CS: variants seen among roughly 807,000 people sequenced by gnomAD.
The protein encoded by CS is citrate synthase, mitochondrial.
A neutral mutation model predicts 61.4 loss-of-function variants in CS; 13 were observed. That is an observed-to-expected ratio of 0.21 (90% confidence interval 0.14 to 0.34). CS has a LOEUF of 0.34. CS is among the 10% of genes least tolerant of loss of function. The pLI is 1.00. For synonymous variants in CS, 159 were observed against 215.2 expected, an observed-to-expected ratio of 0.74 and a Z score of 2.29; for missense variants, 278 against 573.4, an observed-to-expected ratio of 0.48 and a Z score of 5.26.
chr12:56,293,424 A>G (rs1294994054), intron 1 of CS, among the ~76,000 whole-genome samples: 1 of 152,234 alleles, frequency 6.6e-6, no homozygotes, highest in Non-Finnish European at 1.5e-5. Flanking sequence ...AATTTAAAAA[A>G]TTAGAAAACA....
intron 1 of CS, among the ~76,000 whole-genome samples, chr12:56,287,981 G>A (rs1234621930): frequency 6.6e-6 from 1 of 152,070 alleles, no homozygotes; most frequent in Non-Finnish European, 1.5e-5. Flanking sequence ...GAAATAAGAT[G>A]ACCAATCAGG....
intron 6 of CS, among the ~76,000 whole-genome samples, chr12:56,281,393 A>G (rs1240098537): frequency 2.0e-5 from 3 of 152,156 alleles, no homozygotes; most frequent in African/African-American, 7.2e-5. Flanking sequence ...TCAGAGAATA[A>G]AGCTCATTTG....
intron 10 of CS, 102 bp downstream of exon 10, chr12:56,273,485 G>T (rs1872560413): frequency 8.2e-7 from 1 of 1,225,878 alleles, no homozygotes; most frequent in East Asian, 2.5e-5. Context: ...TGCTCTGTGA[G>T]GGAAGTCCCT....
chr12:56,284,978 A>C (rs1168777078), intron 3 of CS, among the ~76,000 whole-genome samples: 2 of 141,170 alleles, frequency 1.4e-5, no homozygotes, highest in Non-Finnish European at 3.1e-5. Flanking sequence ...ATGGAGTCTC[A>C]CTCTTGCCCA....
intron 1 of CS, among the ~76,000 whole-genome samples, chr12:56,295,951 C>CAAAAAAAAAAAAAAAAAAAAAAAAAAA (rs71081343): frequency 2.5e-5 from 1 of 40,482 alleles, no homozygotes; most frequent in Non-Finnish European, 3.8e-5. Context: ...GAAACTGTCT[C>CAAAAAAAAAAAAAAAAAAAAAAAAAAA]AAAAAAAAAA....
intron 1 of CS, 108 bp from the exon 2 acceptor site, chr12:56,286,753 A>AG: frequency 1.0e-6 from 1 of 987,448 alleles, no homozygotes; most frequent in South Asian, 1.4e-5. Flanking sequence ...TCAGTCTCTT[A>AG]GGGCAGTTTG....
chr12:56,273,455 C>T, intron 10 of CS, 132 bp downstream of exon 10: 1 of 1,052,240 alleles, frequency 9.5e-7, no homozygotes, highest in East Asian at 2.6e-5. Flanking sequence ...CCAACCCTCT[C>T]ATAGTCAACT....
chr12:56,283,433 C>T (rs1309419955), intron 4 of CS, among the ~76,000 whole-genome samples: 1 of 152,036 alleles, frequency 6.6e-6, no homozygotes, highest in African/African-American at 2.4e-5. Context: ...TTAGTACAGA[C>T]AGGGTTTCGC....
chr12:56,300,005 TGTAGCTTCAC>T, intron 1 of CS, 145 bp downstream of exon 1: 1 of 675,762 alleles, frequency 1.5e-6, no homozygotes, highest in Non-Finnish European at 2.4e-6. Context: ...CACATGGTCC[TGTAGCTTCAC>T]GCAGGGCTGG....
Position 56,271,948 on chromosome 12 carries a change from T to G in CS, c.*1136A>C, listed in dbSNP as rs566330694. ...TGCTGAAAACCTGTGCAAATGGGGC[T>G]TCTGAAACATTGTACTGTGAGCTCT... On this transcript the variant is annotated 3_prime_UTR_variant, in exon 11 of 11. Coordinates refer to ENST00000351328, the MANE Select transcript of CS (RefSeq NM_004077.3). 5.2e-4 allele frequency: 238 copies of G among 455,706 alleles called. No individual in the cohort carries two copies. The highest frequency in any genetic ancestry group is 4.4e-3 in the African/African-American group (220 of 50,108). The allele number at this position is 455,706 out of a possible 1,614,324, so 28.2% of individuals were successfully genotyped here. A position where few individuals can be genotyped will look rare whatever the true frequency, so the allele number is the denominator to read the frequency against.
intron 2 of CS, 179 bp downstream of exon 2, chr12:56,286,416 G>A: frequency 1.7e-6 from 1 of 573,956 alleles, no homozygotes; most frequent in Non-Finnish European, 3.1e-6. Context: ...ATACCACTGA[G>A]TAAATTATTT....
chr12:56,280,863 G>A (rs1034894410), intron 6 of CS, among the ~76,000 whole-genome samples: 7 of 152,124 alleles, frequency 4.6e-5, no homozygotes, highest in African/African-American at 2.4e-5. Context: ...TTTATGTGGT[G>A]TGAATGTGTA....
chr12:56,284,587 TTC>T (rs1565621593), intron 3 of CS, among the ~76,000 whole-genome samples: 3 of 149,202 alleles, frequency 2.0e-5, no homozygotes, highest in African/African-American at 7.3e-5. Flanking sequence ...ATTTTTGTAT[TTC>T]TTTTTTTTTT....
At chr12:56,277,630 CTT>C (rs1303018748) in intron 6 of CS, among the ~76,000 whole-genome samples, 13 of 135,418 alleles carry the variant, frequency 9.6e-5, no homozygotes, top group Non-Finnish European at 8.0e-5. Context: ...GACTTCCATT[CTT>C]TTTTTTTTTT....
intron 5 of CS, 92 bp from the exon 6 acceptor site, chr12:56,282,700 AAG>A: frequency 1.3e-6 from 2 of 1,521,694 alleles, no homozygotes; most frequent in East Asian, 2.3e-5. Flanking sequence ...AAGAAAACCC[AAG>A]AGAGGTCAAC....
intron 9 of CS, chr12:56,274,518 C>G (rs1208151794): frequency 1.5e-5 from 5 of 337,682 alleles, no homozygotes; most frequent in African/African-American, 2.2e-5. Context: ...AGTGGCTATT[C>G]ACAGGAGTGA....
intron 1 of CS, among the ~76,000 whole-genome samples, chr12:56,294,056 G>T (rs60813079): frequency 0.045 from 6,811 of 152,256 alleles, 519 homozygotes; most frequent in African/African-American, 0.16. Context: ...GGCACTACAT[G>T]GTCAGGCCAC....
intron 1 of CS, chr12:56,291,384 G>T (rs900795069): frequency 1.7e-5 from 11 of 638,686 alleles, no homozygotes; most frequent in African/African-American, 1.2e-4. Flanking sequence ...TCAAGGAAAA[G>T]ATACCAGTTT....
intron 10 of CS, 75 bp downstream of exon 10, chr12:56,273,512 A>C: frequency 7.0e-7 from 1 of 1,422,632 alleles, no homozygotes; most frequent in Non-Finnish European, 9.9e-7. Flanking sequence ...ACTAGGAGTT[A>C]ATTGACTTTG....
Sources: gnomAD v4.1 joint callset for allele counts (sites outside exome capture counted in the v4.1 genomes callset) on GRCh38, gnomAD v4.1.1 for gene constraint, MANE v1.5 for transcripts, NCBI Gene and HGNC (gene_info 2026-07-23, HGNC 2026-07-21) for gene names.